The following KBTBD3 variants were observed in gnomAD, a reference collection of about 807,000 sequenced individuals.
KBTBD3 encodes kelch repeat and BTB domain-containing protein 3.
KBTBD3 carries 38 observed loss-of-function variants against 49.6 expected under a neutral mutation model. That is an observed-to-expected ratio of 0.77 (90% CI 0.59 to 1.00). KBTBD3 has a LOEUF of 1.00. KBTBD3 is among the 50% of genes least tolerant of loss of function. The pLI is 0.00. For synonymous variants in KBTBD3, 214 were observed against 250.4 expected (o/e 0.85, Z 1.37); for missense variants, 661 against 712.0 (o/e 0.93, Z 0.81).
intron 3 of KBTBD3, among the ~76,000 whole-genome samples, chr11:106,058,486 G>T (rs539961482): frequency 6.6e-5 from 10 of 151,526 alleles, no homozygotes; most frequent in Non-Finnish European, 1.5e-4. Flanking sequence ...GTGCGGTGGC[G>T]CGATCTCAGC....
At chr11:106,065,514 G>A (rs1207658002) in intron 2 of KBTBD3, among the ~76,000 whole-genome samples, 1 of 152,132 alleles carries the variant, frequency 6.6e-6, no homozygotes, top group African/African-American at 2.4e-5. Flanking sequence ...AGAAACTAAG[G>A]GAAGAGAATT....
chr11:106,076,702 G>T lies in KBTBD3; in HGVS notation c.-208C>A, dbSNP rs1390876003. ...ACGAGAGTCAACAACAGCCTACACGGAACAACTAAGGAAACAGACATACAT... is the reference window on the plus strand; with the variant it reads ...ACGAGAGTCAACAACAGCCTACACGTAACAACTAAGGAAACAGACATACAT... On this transcript the variant is annotated 5_prime_UTR_variant, in exon 2 of 4. Coordinates refer to ENST00000531837, the MANE Select transcript of KBTBD3 (RefSeq NM_198439.3). 1 of 152,170 alleles carries T rather than the reference G, an allele frequency of 6.6e-6. No individual in the cohort carries two copies. Among genetic ancestry groups the T allele is most frequent in the Non-Finnish European group, 1.5e-5 (1 of 68,052 alleles). 9.4% of individuals were successfully genotyped at this position (152,170 alleles called of 1,614,324 possible).
At chr11:106,058,688 T>C (rs1591534705) in intron 3 of KBTBD3, 177 bp downstream of exon 3, 1 of 549,118 alleles carries the variant, frequency 1.8e-6, no homozygotes, top group Non-Finnish European at 3.1e-6. Context: ...CCTCTTAGGG[T>C]GTTGGGATTA....
rs891869502 is a variant in KBTBD3 at position 106,053,835 on chromosome 11, A to T, written c.854T>A (p.Phe285Tyr). The change falls in exon 4 of 4, where the codon TTC becomes TAC. Residue 285 changes from phenylalanine (F) to tyrosine (Y), a missense_variant. Coordinates refer to ENST00000531837, the MANE Select transcript of KBTBD3 (RefSeq NM_198439.3). ...AGTTGTGGATGGTCGAGCATCAGGGAAGAGTCCACCAGAACCTTGCACACA... is the reference window on the plus strand; with the variant it reads ...AGTTGTGGATGGTCGAGCATCAGGGTAGAGTCCACCAGAACCTTGCACACA... The part of the protein sequence containing the change: ...IKCVQGSGGL[F>Y]PDARPSTTEK... The T allele has an allele frequency of 2.5e-6, 4 of 1,613,988 alleles. No homozygotes were observed. The highest frequency in any genetic ancestry group is 2.5e-6 in the Non-Finnish European group (3 of 1,179,920).
At chr11:106,074,885 A>C (rs1363422444) in intron 2 of KBTBD3, among the ~76,000 whole-genome samples, 1 of 152,188 alleles carries the variant, frequency 6.6e-6, no homozygotes, top group Non-Finnish European at 1.5e-5. Context: ...AAACTGGTAG[A>C]ATTATGGAGC....
rs1731471926 is a variant in KBTBD3, at chr11:106,051,234, C to T, written c.*1616G>A. On this transcript the variant is annotated 3_prime_UTR_variant, in exon 4 of 4. Transcript: ENST00000531837. Reference sequence around the variant, plus strand: ...AATAATTTGTTTTCAAAGCCACACACACACAAACAAAAGCCTCCACTGAAT... The same window carrying T: ...AATAATTTGTTTTCAAAGCCACACATACACAAACAAAAGCCTCCACTGAAT... The T allele has an allele frequency of 6.6e-6, 1 of 151,896 alleles. No individual in the cohort carries two copies. Among genetic ancestry groups the T allele is most frequent in the Non-Finnish European group, 1.5e-5 (1 of 67,868 alleles). 9.4% of individuals were successfully genotyped at this position (151,896 alleles called of 1,614,324 possible). A position where few individuals can be genotyped will look rare whatever the true frequency, so the allele number is the denominator to read the frequency against.
intron 2 of KBTBD3, among the ~76,000 whole-genome samples, chr11:106,061,083 G>C (rs141231726): frequency 6.6e-6 from 1 of 152,260 alleles, no homozygotes; most frequent in African/African-American, 2.4e-5. Flanking sequence ...CTGATCATTA[G>C]GGTTTTCTCT....
intron 2 of KBTBD3, among the ~76,000 whole-genome samples, chr11:106,064,504 A>T (rs1403576599): frequency 6.6e-6 from 1 of 151,596 alleles, no homozygotes; most frequent in Non-Finnish European, 1.5e-5. Context: ...AGATCATGCC[A>T]TTGCACTCCA....
intron 3 of KBTBD3, 134 bp downstream of exon 3, chr11:106,058,731 G>GTTTTTTTTTTTTTTTT (rs1565402456): frequency 6.1e-6 from 4 of 657,460 alleles, no homozygotes; most frequent in African/African-American, 6.0e-5. Context: ...GCCTAATTAG[G>GTTTTTTTTTTTTTTTT]TTTTGTTTTT....
chr11:106,068,576 C>G (rs1860856468), intron 2 of KBTBD3, among the ~76,000 whole-genome samples: 1 of 152,056 alleles, frequency 6.6e-6, no homozygotes, highest in East Asian at 1.9e-4. Context: ...TTGAACAGCC[C>G]TGTAACCATT....
At position 106,052,719 on chromosome 11, in the gene KBTBD3, T is replaced by C. The variant is rs1860444069; in HGVS notation, c.*131A>G. On this transcript the variant is annotated 3_prime_UTR_variant, in exon 4 of 4. Coordinates refer to ENST00000531837, the MANE Select transcript of KBTBD3 (RefSeq NM_198439.3). ...TAAGTTTTTGGAAACTGTTTATTCATATATGGTGTACATACATAATAACTA... is the reference window on the plus strand; with the variant it reads ...TAAGTTTTTGGAAACTGTTTATTCACATATGGTGTACATACATAATAACTA... 1 of 668,348 alleles carries C rather than the reference T, an allele frequency of 1.5e-6. No homozygotes were observed. Among genetic ancestry groups the C allele is most frequent in the African/African-American group, 1.8e-5 (1 of 55,274 alleles). The allele number at this position is 668,348 out of a possible 1,614,324, so 41.4% of individuals were successfully genotyped here.
At chr11:106,073,009 T>C (rs11824969) in intron 2 of KBTBD3, among the ~76,000 whole-genome samples, 13,586 of 152,182 alleles carry the variant, frequency 0.089, 641 homozygotes, top group Middle Eastern at 0.15. Flanking sequence ...AAATGAACAA[T>C]GGGGCATTCA....
Position 106,054,273 on chromosome 11 carries a change from T to C in KBTBD3, c.416A>G (p.Lys139Arg). ...TTTTATTAAAAAGTCACTGCAAGCT[T>C]TGGATAGGAAGGAAACTTGAAGAAA... ...SSFLQVSFLS[K>R]ACSDFLIKSI... is the part of the protein sequence containing the mutation. Residue 139 changes from lysine (K) to arginine (R), a missense_variant, in exon 4 of 4, where the codon AAA becomes AGA. Physicochemically the swap from Lys to Arg is conservative, Grantham distance 26. Transcript: ENST00000531837. 6.2e-7 allele frequency: 1 copy of C among 1,612,890 alleles called. No individual in the cohort carries two copies. The highest frequency in any genetic ancestry group is 8.5e-7 in the Non-Finnish European group (1 of 1,179,452).
chr11:106,064,538 T>G (rs1860767397), intron 2 of KBTBD3, among the ~76,000 whole-genome samples: 1 of 10,960 alleles, frequency 9.1e-5, no homozygotes. Flanking sequence ...AGTGAGGCTC[T>G]GTTTCTAAAT....
chr11:106,060,951 A>G (rs942916899), intron 2 of KBTBD3, among the ~76,000 whole-genome samples: 1 of 152,206 alleles, frequency 6.6e-6, no homozygotes, highest in Non-Finnish European at 1.5e-5. Context: ...TGCAAGAAAA[A>G]AACAAACAAC....
intron 2 of KBTBD3, among the ~76,000 whole-genome samples, chr11:106,066,483 T>A (rs1278994281): frequency 6.6e-6 from 1 of 152,208 alleles, no homozygotes; most frequent in Non-Finnish European, 1.5e-5. Flanking sequence ...TTCCACTAAA[T>A]GTCCATGTTA....
At chr11:106,058,546 C>A (rs1860608260) in intron 3 of KBTBD3, among the ~76,000 whole-genome samples, 1 of 151,904 alleles carries the variant, frequency 6.6e-6, no homozygotes, top group Non-Finnish European at 1.5e-5. Flanking sequence ...GCCTCAGCCT[C>A]CTGTATAGCT....
intron 3 of KBTBD3, among the ~76,000 whole-genome samples, chr11:106,055,467 A>G (rs1860532455): frequency 6.6e-6 from 1 of 152,204 alleles, no homozygotes; most frequent in South Asian, 2.1e-4. Flanking sequence ...CCAACTGAAA[A>G]ATATGAGGGG....
At position 106,065,952 on chromosome 11, in the gene KBTBD3, C is replaced by T. The variant is rs549923381; in HGVS notation, c.-12-6843G>A. ...CTCCAGCCTGGATGACAGAGCAAGA[C>T]TGTCTCAAAAAAAAAAAAAAAAAAA... On this transcript the variant is annotated intron_variant, in intron 2 of 3. Coordinates refer to ENST00000531837, the MANE Select transcript of KBTBD3 (RefSeq NM_198439.3). 1.5e-4 allele frequency among the ~76,000 whole-genome samples: 11 copies of T among 72,526 alleles called. No individual in the cohort carries two copies. In the South Asian group the frequency reaches 6.7e-3, roughly 44 times the overall value. 47.6% of individuals were successfully genotyped at this position (72,526 alleles called of 152,430 possible). A position where few individuals can be genotyped will look rare whatever the true frequency, so the allele number is the denominator to read the frequency against.
Sources: allele counts gnomAD v4.1 joint callset (sites outside exome capture counted in the v4.1 genomes callset), GRCh38; gene constraint gnomAD v4.1.1; transcripts MANE v1.5; gene names NCBI Gene and HGNC (gene_info 2026-07-23, HGNC 2026-07-21).